The following SULF1 variants were observed in gnomAD, a reference collection of about 807,000 sequenced individuals.
SULF1 encodes sulfatase 1, also known as extracellular sulfatase Sulf-1.
In SULF1, 46 loss-of-function variants were observed where a neutral mutation model predicts 110.5. That is an observed-to-expected ratio of 0.42 (90% CI 0.33 to 0.53). SULF1 has a LOEUF of 0.53. SULF1 is among the 20% of genes least tolerant of loss of function. The pLI is 0.12. For synonymous variants in SULF1, 371 were observed against 387.1 expected, an observed-to-expected ratio of 0.96 and a Z score of 0.49; for missense variants, 941 against 1,094.2, an observed-to-expected ratio of 0.86 and a Z score of 1.98.
chr8:69,571,983 C>T (rs1805265698), intron 5 of SULF1, among the ~76,000 whole-genome samples: 1 of 152,138 alleles, frequency 6.6e-6, no homozygotes, highest in Non-Finnish European at 1.5e-5. Flanking sequence ...TTAACGCCAC[C>T]ATGGCAGTCA....
rs563709836 is a variant in SULF1 at position 69,579,503 on chromosome 8, C to T, written c.412+3294C>T. On this transcript the variant is annotated intron_variant, in intron 6 of 22. Coordinates refer to ENST00000402687, the MANE Select transcript of SULF1 (RefSeq NM_001128205.2). Reference sequence around the variant, plus strand: ...GGCAGAGGTTGCAGTGAGCCAAGATCGCACCATTGCACTCCAGCCTGGGCA... The same window carrying T: ...GGCAGAGGTTGCAGTGAGCCAAGATTGCACCATTGCACTCCAGCCTGGGCA... Among the ~76,000 whole-genome samples, 17 of 149,664 alleles carry T rather than the reference C, an allele frequency of 1.1e-4. 1 individual carries two copies. Among genetic ancestry groups the T allele is most frequent in the Admixed American group, 4.0e-4 (6 of 14,956 alleles).
At chr8:69,642,472 CTG>C (rs1483984690) in intron 22 of SULF1, 1 of 849,404 alleles carries the variant, frequency 1.2e-6, no homozygotes, top group Non-Finnish European at 1.4e-6. Context: ...CACACCAACC[CTG>C]TGTCACTCCC....
At chr8:69,561,062 A>C (rs1335922586) in intron 3 of SULF1, among the ~76,000 whole-genome samples, 1 of 152,218 alleles carries the variant, frequency 6.6e-6, no homozygotes, top group Non-Finnish European at 1.5e-5. Flanking sequence ...CAGCAAGGTG[A>C]CCACAGTTAA....
intron 6 of SULF1, among the ~76,000 whole-genome samples, chr8:69,581,252 G>A (rs902609276): frequency 2.6e-5 from 4 of 152,130 alleles, no homozygotes; most frequent in Admixed American, 6.5e-5. Flanking sequence ...TATCAATTAC[G>A]TGGATTAAAA....
chr8:69,588,855 G>C, intron 7 of SULF1, 117 bp from the exon 8 acceptor site: 1 of 983,274 alleles, frequency 1.0e-6, no homozygotes, highest in Non-Finnish European at 1.5e-6. Context: ...CTTCCTTCCT[G>C]CTGTAGACCT....
At chr8:69,584,741 T>C (rs933136655) in intron 6 of SULF1, among the ~76,000 whole-genome samples, 3 of 152,192 alleles carry the variant, frequency 2.0e-5, no homozygotes, top group Non-Finnish European at 2.9e-5. Flanking sequence ...ATAGGATTGA[T>C]TGAGTACTGC....
intron 5 of SULF1, among the ~76,000 whole-genome samples, chr8:69,575,553 T>A (rs918066234): frequency 6.6e-6 from 1 of 152,168 alleles, no homozygotes; most frequent in Non-Finnish European, 1.5e-5. Context: ...ATAGTAGTAA[T>A]CTACACTAGT....
At chr8:69,609,186 G>A (rs117397282) in intron 13 of SULF1, among the ~76,000 whole-genome samples, 2,490 of 151,878 alleles carry the variant, frequency 0.016, 32 homozygotes, top group Non-Finnish European at 0.022. Flanking sequence ...CCGTCTCCAC[G>A]CACAAACAAA....
At chr8:69,658,051 T>A (rs1212001971) in intron 22 of SULF1, among the ~76,000 whole-genome samples, 1 of 152,218 alleles carries the variant, frequency 6.6e-6, no homozygotes, top group Non-Finnish European at 1.5e-5. Flanking sequence ...ATACTAAGCA[T>A]TGCCTATTAC....
At chr8:69,530,065 G>C (rs533761456) in intron 3 of SULF1, among the ~76,000 whole-genome samples, 1 of 152,322 alleles carries the variant, frequency 6.6e-6, no homozygotes, top group African/African-American at 2.4e-5. Flanking sequence ...CCAACAGAGA[G>C]ATGAAATAAA....
intron 1 of SULF1, 65 bp downstream of exon 1, chr8:69,493,190 C>T (rs1810054921): frequency 6.6e-6 from 1 of 152,530 alleles, no homozygotes; most frequent in African/African-American, 2.4e-5. Flanking sequence ...CTGTCCCTGT[C>T]CTTTTCGTAT....
intron 3 of SULF1, among the ~76,000 whole-genome samples, chr8:69,511,880 C>T (rs144760156): frequency 0.013 from 1,970 of 152,240 alleles, 25 homozygotes; most frequent in South Asian, 0.025. Flanking sequence ...TAATTAGCCA[C>T]ACTATTTAAA....
chr8:69,623,288 C>T (rs1243325817), intron 14 of SULF1, among the ~76,000 whole-genome samples: 1 of 152,162 alleles, frequency 6.6e-6, no homozygotes, highest in Admixed American at 6.5e-5. Context: ...TTTGAAAAAG[C>T]AGCCCAATGT....
intron 19 of SULF1, among the ~76,000 whole-genome samples, chr8:69,633,359 G>A (rs369730516): frequency 1.1e-4 from 16 of 142,842 alleles, no homozygotes; most frequent in African/African-American, 2.9e-4. Flanking sequence ...ATGGAGTTTC[G>A]CTCTTGTTGC....
chr8:69,652,607 G>C (rs927116264), intron 22 of SULF1, among the ~76,000 whole-genome samples: 1 of 152,096 alleles, frequency 6.6e-6, no homozygotes, highest in African/African-American at 2.4e-5. Context: ...GCCTAAATCT[G>C]CCTCCTCACA....
chr8:69,529,676 G>T (rs911441236), intron 3 of SULF1, among the ~76,000 whole-genome samples: 1 of 152,122 alleles, frequency 6.6e-6, no homozygotes, highest in Non-Finnish European at 1.5e-5. Context: ...CTCCCAAGAT[G>T]GCTCACTCAC....
intron 3 of SULF1, among the ~76,000 whole-genome samples, chr8:69,556,324 A>C (rs1476195342): frequency 6.6e-6 from 1 of 152,196 alleles, no homozygotes; most frequent in African/African-American, 2.4e-5. Context: ...AAATGTTAGA[A>C]GTGAACTGGG....
In SULF1 at chr8:69,576,117, C is replaced by A; in HGVS notation, c.320C>A (p.Thr107Asn). ...TATGTGCACAATCACAATGTCTACACCAACAACGAGAACTGCTCTTCCCCC... is the reference window on the plus strand; with the variant it reads ...TATGTGCACAATCACAATGTCTACAACAACAACGAGAACTGCTCTTCCCCC... ...GKYVHNHNVY[T>N]NNENCSSPSW... Residue 107 changes from threonine (T) to asparagine (N), a missense_variant, in exon 6 of 23, where the codon ACC becomes AAC. Coordinates refer to ENST00000402687, the MANE Select transcript of SULF1 (RefSeq NM_001128205.2). 6.2e-7 allele frequency: 1 copy of A among 1,614,196 alleles called. No homozygotes were observed. The highest frequency in any genetic ancestry group is 8.5e-7 in the Non-Finnish European group (1 of 1,180,038).
intron 15 of SULF1, among the ~76,000 whole-genome samples, chr8:69,626,457 G>C (rs182006229): frequency 6.6e-6 from 1 of 152,380 alleles, no homozygotes; most frequent in African/African-American, 2.4e-5. Flanking sequence ...AGGTGGAGCC[G>C]TCTGCCAGTC....
Sources: allele counts gnomAD v4.1 joint callset (sites outside exome capture counted in the v4.1 genomes callset), GRCh38; gene constraint gnomAD v4.1.1; transcripts MANE v1.5; gene names NCBI Gene and HGNC (gene_info 2026-07-23, HGNC 2026-07-21).